Variants in TMEM132D observed in about 807,000 individuals in gnomAD.
The protein encoded by TMEM132D is mature OL transmembrane protein.
TMEM132D carries 21 observed loss-of-function variants against 62.3 expected under a neutral mutation model. That is an observed-to-expected ratio of 0.34 (90% CI 0.24 to 0.49). The LOEUF is 0.49. Among genes scored for constraint, TMEM132D ranks in the 20% least tolerant of loss-of-function variants. The probability of loss-of-function intolerance (pLI) is 0.99; values close to 1 mark genes in which losing one functional copy is unlikely to be tolerated. For synonymous variants in TMEM132D, 621 were observed against 575.6 expected (o/e 1.08, Z -1.13); for missense variants, 1,346 against 1,402.8 (o/e 0.96, Z 0.65).
intron 1 of TMEM132D, among the ~76,000 whole-genome samples, chr12:129,813,752 G>A (rs140600494): frequency 0.065 from 9,842 of 151,750 alleles, 438 homozygotes; most frequent in South Asian, 0.11. Context: ...TTGTCAAGAG[G>A]AAATAAATTC....
chr12:129,173,331 TGA>T (rs1877791395), intron 5 of TMEM132D, among the ~76,000 whole-genome samples: 1 of 152,168 alleles, frequency 6.6e-6, no homozygotes, highest in Admixed American at 6.5e-5. Flanking sequence ...AAAACTACTT[TGA>T]GATGAAAGAT....
intron 2 of TMEM132D, among the ~76,000 whole-genome samples, chr12:129,539,658 T>C (rs1466471247): frequency 6.6e-6 from 1 of 151,952 alleles, no homozygotes; most frequent in Non-Finnish European, 1.5e-5. Context: ...GTGATCTGCC[T>C]GCTTCAGCCT....
At chr12:129,723,999 C>T (rs560396445) in intron 1 of TMEM132D, among the ~76,000 whole-genome samples, 28 of 152,198 alleles carry the variant, frequency 1.8e-4, no homozygotes, top group East Asian at 7.7e-4. Context: ...TATGTCAAGA[C>T]GGGGGAGATT....
rs572911572 is a variant in TMEM132D at position 129,143,356 on chromosome 12, A to T, written c.1444-58654T>A. 2.6e-5 allele frequency among the ~76,000 whole-genome samples: 4 copies of T among 152,296 alleles called. No homozygotes were observed. In the East Asian group the frequency reaches 7.7e-4, roughly 29 times the overall value. ...GTGAAGCATGGGGGAGGGGGCATGG[A>T]GCTTTCATGCTTTCCCAGGATGCCA... On this transcript the variant is annotated intron_variant, in intron 5 of 8. Transcript: ENST00000422113.
At chr12:129,475,844 CT>C (rs202090747) in intron 3 of TMEM132D, among the ~76,000 whole-genome samples, 1,656 of 152,332 alleles carry the variant, frequency 0.011, 24 homozygotes, top group East Asian at 0.06. Context: ...AGTTGAACAA[CT>C]TTTGAAAAAG....
chr12:129,573,720 A>G (rs889896370), intron 2 of TMEM132D, among the ~76,000 whole-genome samples: 1 of 152,158 alleles, frequency 6.6e-6, no homozygotes, highest in Non-Finnish European at 1.5e-5. Flanking sequence ...GAAAATGCAT[A>G]AACGTTGATG....
rs71464436 is a variant in TMEM132D, at chr12:129,319,604, G to A, written c.1299+18030C>T. Among the ~76,000 whole-genome samples the A allele has an allele frequency of 9.2e-3, 1,401 of 152,324 alleles. 8 individuals carry two copies. The highest frequency in any genetic ancestry group is 0.034 in the Middle Eastern group (10 of 294). On this transcript the variant is annotated intron_variant, in intron 4 of 8. Transcript: ENST00000422113. ...CACAAGGAAGGATGAGATCACCCAA[G>A]GACTCGAAACAGGCAGAAAATCTGG...
chr12:129,072,391 A>C lies in TMEM132D; in HGVS notation c.*1484T>G, dbSNP rs528745313. 6.6e-6 allele frequency: 1 copy of C among 152,566 alleles called. No individual in the cohort carries two copies. Among genetic ancestry groups the C allele is most frequent in the South Asian group, 2.1e-4 (1 of 4,828 alleles). 9.5% of individuals were successfully genotyped at this position (152,566 alleles called of 1,614,324 possible). A position where few individuals can be genotyped will look rare whatever the true frequency, so the allele number is the denominator to read the frequency against. On this transcript the variant is annotated 3_prime_UTR_variant, in exon 9 of 9. Coordinates refer to ENST00000422113, the MANE Select transcript of TMEM132D (RefSeq NM_133448.3). ...CCCAACACACCATTCTCTACCTTGG[A>C]GTGAGCGTGAGATGAGGCAGGAATT... is the stretch of plus-strand genomic sequence containing the variant.
At chr12:129,177,450 G>A (rs1486576223) in intron 5 of TMEM132D, among the ~76,000 whole-genome samples, 3 of 152,200 alleles carry the variant, frequency 2.0e-5, no homozygotes, top group Non-Finnish European at 4.4e-5. Flanking sequence ...GTGGTTGCCA[G>A]TGTTTGGATG....
rs1555220045 is a variant in TMEM132D, at chr12:129,582,939, T to TTTTGTTTTG, written c.969-51743_969-51735dup. The stretch of plus-strand genomic sequence containing the variant: ...CACGTCCAGCCGAGTTTGTTTTTTG[T>TTTTGTTTTG]TTTGTTTTGGAGACAGAGTCTCACT... On this transcript the variant is annotated intron_variant, in intron 2 of 8. Transcript: ENST00000422113. Among the ~76,000 whole-genome samples, 13 of 151,710 alleles carry TTTTGTTTTG rather than the reference T, an allele frequency of 8.6e-5. 1 individual carries two copies. Among genetic ancestry groups the TTTTGTTTTG allele is most frequent in the African/African-American group, 2.7e-4 (11 of 41,234 alleles).
At chr12:129,572,854 G>A (rs748462753) in intron 2 of TMEM132D, among the ~76,000 whole-genome samples, 40 of 152,002 alleles carry the variant, frequency 2.6e-4, no homozygotes, top group Non-Finnish European at 1.6e-4. Flanking sequence ...AGCCAATTTC[G>A]TGGCTTTCAA....
At chr12:129,854,143 C>T (rs368932766) in intron 1 of TMEM132D, among the ~76,000 whole-genome samples, 5 of 152,272 alleles carry the variant, frequency 3.3e-5, no homozygotes, top group South Asian at 4.1e-4. Context: ...GTGCACAATG[C>T]TTAACGTGGG....
At chr12:129,490,144 G>C (rs1239010606) in intron 3 of TMEM132D, among the ~76,000 whole-genome samples, 1 of 152,168 alleles carries the variant, frequency 6.6e-6, no homozygotes, top group East Asian at 1.9e-4. Context: ...AGTTCATTTA[G>C]TCAATTTCGT....
chr12:129,855,207 T>C (rs1421925538), intron 1 of TMEM132D, among the ~76,000 whole-genome samples: 1 of 61,210 alleles, frequency 1.6e-5, no homozygotes, highest in East Asian at 4.9e-4. Flanking sequence ...TGTAACAGAG[T>C]CCGGGGGAAC....
At chr12:129,263,698 GAT>G (rs1369766840) in intron 4 of TMEM132D, among the ~76,000 whole-genome samples, 2 of 152,110 alleles carry the variant, frequency 1.3e-5, no homozygotes, top group African/African-American at 4.8e-5. Flanking sequence ...GCATTTTGGG[GAT>G]GTGTGGCTAC....
chr12:129,892,785 C>T (rs540913088), intron 1 of TMEM132D, among the ~76,000 whole-genome samples: 2 of 152,282 alleles, frequency 1.3e-5, no homozygotes, highest in East Asian at 3.9e-4. Context: ...GCCATCCATG[C>T]CTTTGTAGTC....
At chr12:129,776,146 A>T (rs1870914147) in intron 1 of TMEM132D, among the ~76,000 whole-genome samples, 1 of 152,178 alleles carries the variant, frequency 6.6e-6, no homozygotes, top group South Asian at 2.1e-4. Flanking sequence ...CCTAAAAGCA[A>T]AATCATGAGA....
At chr12:129,550,310 A>G (rs1354183078) in intron 2 of TMEM132D, among the ~76,000 whole-genome samples, 2 of 152,298 alleles carry the variant, frequency 1.3e-5, no homozygotes, top group East Asian at 3.9e-4. Context: ...GGAACTAAAG[A>G]TGAGGATTAA....
intron 2 of TMEM132D, among the ~76,000 whole-genome samples, chr12:129,582,367 T>C (rs11060448): frequency 0.11 from 17,386 of 152,152 alleles, 1,509 homozygotes; most frequent in East Asian, 0.52. Flanking sequence ...GTCCTGGTAC[T>C]TACCCCCCAG....
Sources: gnomAD v4.1 joint callset for allele counts (sites outside exome capture counted in the v4.1 genomes callset) on GRCh38, gnomAD v4.1.1 for gene constraint, MANE v1.5 for transcripts, NCBI Gene and HGNC (gene_info 2026-07-23, HGNC 2026-07-21) for gene names.